The following COL19A1 variants were observed in gnomAD, a reference collection of about 807,000 sequenced individuals.
COL19A1 encodes the protein collagen type XIX alpha 1 chain.
Under a neutral mutation model 190.2 loss-of-function variants are expected in COL19A1, and 159 were observed. That is an observed-to-expected ratio of 0.84 (90% confidence interval 0.73 to 0.95). COL19A1 has a LOEUF of 0.95. COL19A1 is among the 40% of genes least tolerant of loss of function. The pLI is 0.00. For synonymous variants in COL19A1, 509 were observed against 458.9 expected, an observed-to-expected ratio of 1.11 and a Z score of -1.39; for missense variants, 1,418 against 1,431.9, an observed-to-expected ratio of 0.99 and a Z score of 0.16.
At chr6:70,139,800 C>T (rs1200688557) in intron 19 of COL19A1, among the ~76,000 whole-genome samples, 1 of 152,004 alleles carries the variant, frequency 6.6e-6, no homozygotes, top group African/African-American at 2.4e-5. Context: ...CCTAGTTGAA[C>T]CCCATGATTT....
At chr6:69,911,848 T>A (rs1011935045) in intron 4 of COL19A1, among the ~76,000 whole-genome samples, 38 of 152,198 alleles carry the variant, frequency 2.5e-4, no homozygotes, top group African/African-American at 8.9e-4. Context: ...TACAAATATA[T>A]ACTTAATCCT....
At chr6:70,004,884 G>A (rs897445127) in intron 11 of COL19A1, among the ~76,000 whole-genome samples, 7 of 151,154 alleles carry the variant, frequency 4.6e-5, no homozygotes, top group Non-Finnish European at 1.0e-4. Flanking sequence ...CCAAGCTGGA[G>A]TGCAGTGGCT....
chr6:70,201,922 C>T (rs375099075), intron 49 of COL19A1, among the ~76,000 whole-genome samples: 1 of 152,096 alleles, frequency 6.6e-6, no homozygotes, highest in East Asian at 1.9e-4. Flanking sequence ...GTGTTTTTCT[C>T]TAGTACATAA....
intron 9 of COL19A1, among the ~76,000 whole-genome samples, chr6:69,949,693 A>C (rs1352415307): frequency 6.6e-6 from 1 of 151,834 alleles, no homozygotes; most frequent in Non-Finnish European, 1.5e-5. Context: ...TGTATCCCAC[A>C]TTTGCTTCAA....
intron 18 of COL19A1, among the ~76,000 whole-genome samples, chr6:70,134,072 T>G (rs973586869): frequency 2.2e-4 from 34 of 152,014 alleles, no homozygotes; most frequent in African/African-American, 8.0e-4. Context: ...TTTCTACTTT[T>G]ATTTTATTAG....
At chr6:70,029,213 G>A (rs1337845498) in intron 12 of COL19A1, among the ~76,000 whole-genome samples, 2 of 151,878 alleles carry the variant, frequency 1.3e-5, no homozygotes, top group East Asian at 3.9e-4. Context: ...ATTAATTGAT[G>A]GGTTAAAAAT....
chr6:70,156,451 C>T, intron 33 of COL19A1, 82 bp downstream of exon 33: 2 of 1,236,024 alleles, frequency 1.6e-6, no homozygotes, highest in South Asian at 2.6e-5. Context: ...AAATAGACAA[C>T]TTTTAAAATA....
chr6:70,045,196 C>G (rs1390459297), intron 14 of COL19A1, among the ~76,000 whole-genome samples: 1 of 151,500 alleles, frequency 6.6e-6, no homozygotes, highest in Non-Finnish European at 1.5e-5. Flanking sequence ...GCCTGTAACC[C>G]TAGCTACTTG....
At position 70,035,892 on chromosome 6, in the gene COL19A1, A is replaced by C. The variant is rs1779327849; in HGVS notation, c.1135-12A>C. On this transcript the variant is annotated splice_polypyrimidine_tract_variant and intron_variant, in intron 13 of 50. Coordinates refer to ENST00000620364, the MANE Select transcript of COL19A1 (RefSeq NM_001858.6). ...CTAGTGGTAATTGTAGCTTTTCTTT[A>C]ATCTATTTTAGGGAGATACAGGACC... 1 of 1,611,060 alleles carries C rather than the reference A, an allele frequency of 6.2e-7. No individual in the cohort carries two copies.
chr6:70,078,650 C>T (rs1302110005), intron 15 of COL19A1, among the ~76,000 whole-genome samples: 1 of 152,160 alleles, frequency 6.6e-6, no homozygotes, highest in Non-Finnish European at 1.5e-5. Flanking sequence ...CCCACCCTAG[C>T]CTGGCACCAA....
At chr6:69,871,257 T>G (rs962635420) in intron 1 of COL19A1, among the ~76,000 whole-genome samples, 6 of 152,214 alleles carry the variant, frequency 3.9e-5, no homozygotes, top group African/African-American at 1.4e-4. Context: ...TAAAGACAGA[T>G]TCTAAAGATT....
intron 11 of COL19A1, among the ~76,000 whole-genome samples, chr6:70,008,460 G>A (rs1582672051): frequency 6.6e-6 from 1 of 151,804 alleles, no homozygotes; most frequent in East Asian, 1.9e-4. Flanking sequence ...CAAATTCTTA[G>A]AAAGTCAAAA....
chr6:69,900,333 C>G lies in COL19A1; in HGVS notation c.261C>G (p.Asp87Glu). 3 of 1,514,030 alleles carry G rather than the reference C, an allele frequency of 2.0e-6. No individual in the cohort carries two copies. Among genetic ancestry groups the G allele is most frequent in the Non-Finnish European group, 2.7e-6 (3 of 1,118,580 alleles). 93.8% of individuals were successfully genotyped at this position (1,514,030 alleles called of 1,614,324 possible). The change falls in exon 4 of 51, where the codon GAC becomes GAG. Residue 87 changes from aspartate to glutamate, a missense_variant. By Grantham distance (45) the Asp-to-Glu change is conservative. Transcript: ENST00000620364. ...TGGGAAGTGCACTTCTTATTAGAGA[C>G]ACTATGTAAGTAAAAAATTATTTTC... ...FKLGSALLIR[D>E]TIKIFPKGLP...
At chr6:70,097,173 A>G (rs946703723) in intron 15 of COL19A1, among the ~76,000 whole-genome samples, 1 of 152,118 alleles carries the variant, frequency 6.6e-6, no homozygotes, top group Non-Finnish European at 1.5e-5. Flanking sequence ...TTTAAGATAA[A>G]TGTTCTCTCA....
At chr6:69,925,510 C>T (rs1470565134) in intron 4 of COL19A1, among the ~76,000 whole-genome samples, 4 of 152,126 alleles carry the variant, frequency 2.6e-5, no homozygotes, top group Admixed American at 2.6e-4. Context: ...AGTTTGAAGT[C>T]AGGTAGTGTG....
In COL19A1 at chr6:70,035,793, T is replaced by C. The variant is rs1779319938; in HGVS notation, c.1135-111T>C. 2.4e-5 allele frequency: 19 copies of C among 807,376 alleles called. No individual in the cohort carries two copies. In the East Asian group the frequency reaches 4.7e-4, roughly 20 times the overall value. The allele number at this position is 807,376 out of a possible 1,614,324, so 50.0% of individuals were successfully genotyped here. A position where few individuals can be genotyped will look rare whatever the true frequency, so the allele number is the denominator to read the frequency against. On this transcript the variant is annotated intron_variant, in intron 13 of 50. Coordinates refer to ENST00000620364, the MANE Select transcript of COL19A1 (RefSeq NM_001858.6). ...TTTTATCAGGATGAAGTTCTATTTT[T>C]CTATTCTTCAAGATTTATCTCTATA...
chr6:69,932,677 T>A, intron 6 of COL19A1, 106 bp from the exon 7 acceptor site: 2 of 620,144 alleles, frequency 3.2e-6, no homozygotes, highest in Non-Finnish European at 5.6e-6. Context: ...AGTAATTTAT[T>A]TATATTAGCT....
chr6:69,967,184 T>C (rs768021381), intron 11 of COL19A1, among the ~76,000 whole-genome samples: 22 of 152,194 alleles, frequency 1.4e-4, no homozygotes, highest in Non-Finnish European at 2.8e-4. Context: ...TTACCTAAAA[T>C]GTAGTCGACT....
chr6:70,141,912 G>A lies in COL19A1; in HGVS notation c.1502G>A (p.Gly501Glu). 6.2e-7 allele frequency: 1 copy of A among 1,600,434 alleles called. No individual in the cohort carries two copies. The highest frequency in any genetic ancestry group is 1.7e-4 in the Middle Eastern group (1 of 6,024). ...TTACAGGGAGAACCTGGGGTAATAGGATCACAGGGAGTAAAGGTAATTTCC... is the reference window on the plus strand; with the variant it reads ...TTACAGGGAGAACCTGGGGTAATAGAATCACAGGGAGTAAAGGTAATTTCC... Reference protein sequence around the residue: ...KGDRGEPGVIGSQGVKGEPGD... With the variant: ...KGDRGEPGVIESQGVKGEPGD... The change falls in exon 21 of 51, where the codon GGA becomes GAA. Residue 501 changes from glycine to glutamate, a missense_variant. Physicochemically the swap from Gly to Glu is moderately conservative, Grantham distance 98. Coordinates refer to ENST00000620364, the MANE Select transcript of COL19A1 (RefSeq NM_001858.6).
Sources: allele counts gnomAD v4.1 joint callset (sites outside exome capture counted in the v4.1 genomes callset), GRCh38; gene constraint gnomAD v4.1.1; transcripts MANE v1.5; gene names NCBI Gene and HGNC (gene_info 2026-07-23, HGNC 2026-07-21).